CSMD1: variants seen among roughly 807,000 people sequenced by gnomAD.
CSMD1 encodes CUB and sushi domain-containing protein 1.
A neutral mutation model predicts 417.5 loss-of-function variants in CSMD1; 213 were observed. That is an observed-to-expected ratio of 0.51 (90% CI 0.46 to 0.57). The LOEUF (loss-of-function observed/expected upper bound fraction) is 0.57, where lower values mean the gene tolerates loss of function less well. Among genes scored for constraint, CSMD1 ranks in the 20% least tolerant of loss-of-function variants. CSMD1 has a pLI of 0.00. For synonymous variants in CSMD1, 2,862 were observed against 1,736.8 expected, an observed-to-expected ratio of 1.65 and a Z score of -16.11; for missense variants, 6,923 against 4,529.7, an observed-to-expected ratio of 1.53 and a Z score of -15.17.
intron 3 of CSMD1, among the ~76,000 whole-genome samples, chr8:4,142,257 T>G (rs1803835978): frequency 6.6e-6 from 1 of 151,178 alleles, no homozygotes; most frequent in Non-Finnish European, 1.5e-5. Context: ...TACAACAGGG[T>G]TTTCCTTCTA....
In CSMD1 at chr8:4,239,591, A is replaced by G. The variant is rs890639874; in HGVS notation, c.415+180362T>C. ...TAACCCTCCAGTAAATCCCCTAGCC[A>G]CCTGCCTCTCTTAGAAGGCATTTCC... On this transcript the variant is annotated intron_variant, in intron 3 of 69. Coordinates refer to ENST00000635120, the MANE Select transcript of CSMD1 (RefSeq NM_033225.6). Among the ~76,000 whole-genome samples the G allele has an allele frequency of 1.3e-5, 2 of 152,098 alleles. 1 individual carries two copies. Among genetic ancestry groups the G allele is most frequent in the African/African-American group, 4.8e-5 (2 of 41,426 alleles).
At chr8:4,872,261 T>G (rs767658740) in intron 1 of CSMD1, among the ~76,000 whole-genome samples, 5 of 152,098 alleles carry the variant, frequency 3.3e-5, no homozygotes, top group Non-Finnish European at 7.4e-5. Flanking sequence ...TGTGTGTGTT[T>G]TTGCAATACT....
At chr8:4,055,229 G>T (rs576653903) in intron 3 of CSMD1, among the ~76,000 whole-genome samples, 2 of 152,236 alleles carry the variant, frequency 1.3e-5, no homozygotes, top group South Asian at 4.1e-4. Context: ...ACCATTTTGA[G>T]ACAATAGGAT....
chr8:4,293,322 C>T (rs766136249), intron 3 of CSMD1, among the ~76,000 whole-genome samples: 13 of 152,170 alleles, frequency 8.5e-5, no homozygotes, highest in Admixed American at 6.5e-4. Context: ...ACTGACGATG[C>T]TGAAATTACT....
At position 4,192,522 on chromosome 8, in the gene CSMD1, G is replaced by A. The variant is rs187977106; in HGVS notation, c.416-160423C>T. 9.2e-5 allele frequency among the ~76,000 whole-genome samples: 14 copies of A among 151,774 alleles called. No homozygotes were observed. In the East Asian group the frequency reaches 2.3e-3, roughly 25 times the overall value. ...AAGCCCGTTTAAGACAATACCCCCT[G>A]ACCTTTCAGCAACAGGGGCTTTTAT... On this transcript the variant is annotated intron_variant, in intron 3 of 69. Transcript: ENST00000635120.
intron 2 of CSMD1, among the ~76,000 whole-genome samples, chr8:4,594,948 G>C (rs752717877): frequency 7.2e-5 from 11 of 152,190 alleles, no homozygotes; most frequent in Non-Finnish European, 1.5e-4. Context: ...TAATTCAGTA[G>C]TTGAATGTTT....
rs549310970 is a variant in CSMD1 at position 3,843,453 on chromosome 8, A to G, written c.819-89411T>C. Among the ~76,000 whole-genome samples the G allele has an allele frequency of 3.9e-5, 6 of 152,332 alleles. No homozygotes were observed. The East Asian group carries it at 1.2e-3, about 29-fold the overall frequency. On this transcript the variant is annotated intron_variant, in intron 5 of 69. Transcript: ENST00000635120. Reference sequence around the variant, plus strand: ...AGTAATTAAGAATAACAGCCAGCCAAAGATCAAAATGACAAATTACACTCG... The same window carrying G: ...AGTAATTAAGAATAACAGCCAGCCAGAGATCAAAATGACAAATTACACTCG...
At chr8:3,966,529 ATTC>A (rs1435101470) in intron 5 of CSMD1, among the ~76,000 whole-genome samples, 1 of 152,086 alleles carries the variant, frequency 6.6e-6, no homozygotes, top group East Asian at 1.9e-4. Context: ...AGAAAATTGT[ATTC>A]TTTTGTTTCA....
chr8:3,562,137 A>AG (rs71203443), intron 10 of CSMD1, among the ~76,000 whole-genome samples: 51,837 of 151,126 alleles, frequency 0.34, 9,113 homozygotes, highest in Middle Eastern at 0.45. Context: ...CAACCCACAA[A>AG]AAAAAAAAAA....
chr8:3,034,294 G>C (rs999535384), intron 50 of CSMD1, among the ~76,000 whole-genome samples: 7 of 152,224 alleles, frequency 4.6e-5, no homozygotes, highest in South Asian at 2.1e-4. Flanking sequence ...ATAGTTTCCA[G>C]GTTTTCTATA....
At chr8:3,463,374 A>G (rs1816628314) in intron 12 of CSMD1, among the ~76,000 whole-genome samples, 1 of 152,224 alleles carries the variant, frequency 6.6e-6, no homozygotes, top group Admixed American at 6.5e-5. Flanking sequence ...CCTTAGATAT[A>G]AGGCTGTATG....
intron 47 of CSMD1, among the ~76,000 whole-genome samples, chr8:3,093,276 G>A (rs7818488): frequency 0.32 from 49,112 of 151,970 alleles, 7,925 homozygotes; most frequent in South Asian, 0.42. Flanking sequence ...CTGAGTGGGG[G>A]CCACATCTGC....
chr8:2,951,364 T>C (rs545202376), intron 65 of CSMD1, 89 bp from the exon 66 acceptor site: 3 of 1,328,766 alleles, frequency 2.3e-6, no homozygotes, highest in Non-Finnish European at 3.0e-6. Context: ...TCATACTGCT[T>C]AGCGAGCGAT....
chr8:4,012,395 G>C (rs1215417924), intron 4 of CSMD1, among the ~76,000 whole-genome samples: 4 of 152,044 alleles, frequency 2.6e-5, no homozygotes, highest in Admixed American at 6.6e-5. Context: ...ATCTCATCCA[G>C]TTTGCGTCGC....
intron 25 of CSMD1, among the ~76,000 whole-genome samples, chr8:3,300,696 C>G (rs1473325256): frequency 6.6e-6 from 1 of 152,034 alleles, no homozygotes; most frequent in African/African-American, 2.4e-5. Flanking sequence ...GTGGCTCACG[C>G]TTCTAATCCC....
At chr8:4,443,639 T>C (rs1276959477) in intron 2 of CSMD1, among the ~76,000 whole-genome samples, 4 of 152,212 alleles carry the variant, frequency 2.6e-5, no homozygotes, top group Non-Finnish European at 5.9e-5. Context: ...GGAACAGCCA[T>C]GCCGTTGACG....
chr8:3,763,026 A>G (rs1798095244), intron 5 of CSMD1, among the ~76,000 whole-genome samples: 1 of 152,066 alleles, frequency 6.6e-6, no homozygotes, highest in Non-Finnish European at 1.5e-5. Flanking sequence ...TTGTATAGTT[A>G]TTTGCTTAAT....
At chr8:3,739,271 T>TGTA (rs1470854936) in intron 6 of CSMD1, among the ~76,000 whole-genome samples, 1 of 152,230 alleles carries the variant, frequency 6.6e-6, no homozygotes, top group Non-Finnish European at 1.5e-5. Context: ...CTGACAAAGC[T>TGTA]GTAGATTGTC....
At chr8:3,503,967 G>A (rs931010340) in intron 10 of CSMD1, among the ~76,000 whole-genome samples, 2 of 152,024 alleles carry the variant, frequency 1.3e-5, no homozygotes, top group Non-Finnish European at 2.9e-5. Context: ...GACAAGAAGT[G>A]GTTGATTTTG....
Sources: allele counts gnomAD v4.1 joint callset (sites outside exome capture counted in the v4.1 genomes callset), GRCh38; gene constraint gnomAD v4.1.1; transcripts MANE v1.5; gene names NCBI Gene and HGNC (gene_info 2026-07-23, HGNC 2026-07-21).